The following NDUFAF1 variants were observed in gnomAD, a reference collection of about 807,000 sequenced individuals.
The protein encoded by NDUFAF1 is complex I intermediate-associated protein 30, mitochondrial.
Under a neutral mutation model 28.7 loss-of-function variants are expected in NDUFAF1, and 18 were observed. The observed-to-expected ratio is 0.63, with a 90% CI of 0.43 to 0.93. The LOEUF (loss-of-function observed/expected upper bound fraction) is 0.93, where lower values mean the gene tolerates loss of function less well. Among genes scored for constraint, NDUFAF1 ranks in the 40% least tolerant of loss-of-function variants. The pLI is 0.00. For synonymous variants in NDUFAF1, 113 were observed against 139.7 expected, an observed-to-expected ratio of 0.81 and a Z score of 1.35; for missense variants, 404 against 398.3, an observed-to-expected ratio of 1.01 and a Z score of -0.12.
intron 2 of NDUFAF1, among the ~76,000 whole-genome samples, chr15:41,395,309 A>C (rs1429293288): frequency 1.3e-5 from 2 of 152,108 alleles, no homozygotes; most frequent in African/African-American, 4.8e-5. Flanking sequence ...ATGAATGGAA[A>C]TGAATGTATT....
chr15:41,387,976 G>T (rs757890732), intron 4 of NDUFAF1, among the ~76,000 whole-genome samples: 2 of 152,104 alleles, frequency 1.3e-5, no homozygotes, highest in African/African-American at 4.8e-5. Flanking sequence ...CAAGTGTGGT[G>T]GCAGGCACCT....
chr15:41,394,838 A>G lies in NDUFAF1; in HGVS notation c.759+21T>C, dbSNP rs752953126. The G allele has an allele frequency of 3.1e-6, 5 of 1,613,302 alleles. No homozygotes were observed. In the Admixed American group the frequency reaches 8.3e-5, roughly 27 times the overall value. ...CAGCCAAGACCTCATTTTTATAAAC[A>G]ATGAAGATTTATGCTGTTACCTTGA... is the stretch of plus-strand genomic sequence containing the variant. On this transcript the variant is annotated intron_variant, in intron 3 of 4. Coordinates refer to ENST00000260361, the MANE Select transcript of NDUFAF1 (RefSeq NM_016013.4).
rs1264170827 is a variant in NDUFAF1, at chr15:41,396,587, T to G, written c.473A>C (p.Asn158Thr). 1 of 1,614,060 alleles carries G rather than the reference T, an allele frequency of 6.2e-7. No individual in the cohort carries two copies. The highest frequency in any genetic ancestry group is 8.5e-7 in the Non-Finnish European group (1 of 1,180,012). ...AGTTCCATATAGCAGTGCACTTTGG[T>G]TATTCTTGCCCATTTTCAAAAACAC... ...SEVFLKMGKN[N>T]QSALLYGTLS... is the part of the protein sequence containing the mutation. Residue 158 changes from asparagine (N) to threonine (T), a missense_variant, in exon 2 of 5, where the codon AAC (asparagine) becomes ACC (threonine). By Grantham distance (65) the Asn-to-Thr change is moderately conservative (BLOSUM62 0). Transcript: ENST00000260361.
intron 1 of NDUFAF1, among the ~76,000 whole-genome samples, chr15:41,401,887 A>G (rs1178265515): frequency 6.6e-6 from 1 of 152,178 alleles, no homozygotes; most frequent in East Asian, 1.9e-4. Flanking sequence ...CACTTAAATG[A>G]TTTTACCTCT....
chr15:41,402,037 C>T, intron 1 of NDUFAF1, 107 bp downstream of exon 1: 4 of 239,064 alleles, frequency 1.7e-5, no homozygotes, highest in Non-Finnish European at 1.8e-5. Flanking sequence ...AACAGAAAAT[C>T]TAAACTATTA....
chr15:41,396,263 T>C (rs1313643588), intron 2 of NDUFAF1, among the ~76,000 whole-genome samples: 1 of 151,982 alleles, frequency 6.6e-6, no homozygotes, highest in African/African-American at 2.4e-5. Flanking sequence ...CCCAAAGCAA[T>C]GCGCAGAAAC....
At chr15:41,396,427 A>G (rs1331240214) in intron 2 of NDUFAF1, 60 bp downstream of exon 2, 1 of 1,503,028 alleles carries the variant, frequency 6.7e-7, no homozygotes, top group East Asian at 2.3e-5. Context: ...TCTATAGTTT[A>G]TGCTACAATG....
intron 2 of NDUFAF1, 82 bp downstream of exon 2, chr15:41,396,405 C>G: frequency 7.2e-7 from 1 of 1,393,374 alleles, no homozygotes; most frequent in South Asian, 1.2e-5. Flanking sequence ...TTTACAGAAA[C>G]AAAAGCTATC....
chr15:41,401,714 C>T (rs1212449759), intron 1 of NDUFAF1, among the ~76,000 whole-genome samples: 1 of 152,156 alleles, frequency 6.6e-6, no homozygotes, highest in Non-Finnish European at 1.5e-5. Context: ...GCGTGAGCCA[C>T]CGCGCCCAGC....
At chr15:41,399,855 CAAAAAAAAAA>C (rs35139337) in intron 1 of NDUFAF1, among the ~76,000 whole-genome samples, 7 of 42,038 alleles carry the variant, frequency 1.7e-4, no homozygotes, top group Admixed American at 1.4e-3. Flanking sequence ...GACTCCTTCT[CAAAAAAAAAA>C]AAAAAAAAAA....
intron 1 of NDUFAF1, among the ~76,000 whole-genome samples, chr15:41,399,815 C>G (rs2050437729): frequency 7.1e-6 from 1 of 141,254 alleles, no homozygotes; most frequent in Non-Finnish European, 1.5e-5. Context: ...GAGATCCCGC[C>G]ACTGCACTCC....
chr15:41,400,902 G>C (rs1419526630), intron 1 of NDUFAF1, among the ~76,000 whole-genome samples: 15 of 151,210 alleles, frequency 9.9e-5, no homozygotes. Context: ...CAAATCCTAT[G>C]AAACAAGTCA....
chr15:41,397,231 G>T (rs2050402279), intron 1 of NDUFAF1, 91 bp from the exon 2 acceptor site: 2 of 614,792 alleles, frequency 3.3e-6, no homozygotes, highest in Non-Finnish European at 5.7e-6. Flanking sequence ...TTTGAAGTTT[G>T]TTAACTTATT....
chr15:41,388,345 G>A (rs1196617412), intron 4 of NDUFAF1, 103 bp downstream of exon 4: 3 of 959,780 alleles, frequency 3.1e-6, no homozygotes, highest in African/African-American at 3.2e-5. Flanking sequence ...GCCCTGAGAA[G>A]AAATATTCAT....
intron 3 of NDUFAF1, chr15:41,394,348 A>G (rs1207678095): frequency 7.8e-7 from 1 of 1,288,706 alleles, no homozygotes; most frequent in African/African-American, 1.5e-5. Context: ...CACCAACTTT[A>G]GCAGAGTTGC....
rs1277725612 is a variant in NDUFAF1 at position 41,387,406 on chromosome 15, T to C, written c.*38A>G. The C allele has an allele frequency of 1.9e-6, 3 of 1,584,032 alleles. No individual in the cohort carries two copies. Among genetic ancestry groups the C allele is most frequent in the African/African-American group, 1.3e-5 (1 of 74,468 alleles). ...TTGTCTATATCATTGTAGATGCTAG[T>C]ACCCTTAGATTAGTAAAACAAAACT... On this transcript the variant is annotated 3_prime_UTR_variant, in exon 5 of 5. Coordinates refer to ENST00000260361, the MANE Select transcript of NDUFAF1 (RefSeq NM_016013.4).
intron 3 of NDUFAF1, 29 bp downstream of exon 3, chr15:41,394,830 T>C (rs975063166): frequency 2.3e-5 from 37 of 1,612,798 alleles, no homozygotes; most frequent in African/African-American, 2.1e-4. Context: ...GACCTCATTT[T>C]TATAAACAAT....
intron 4 of NDUFAF1, 131 bp downstream of exon 4, chr15:41,388,317 C>A: frequency 2.8e-6 from 2 of 724,130 alleles, no homozygotes; most frequent in Non-Finnish European, 4.8e-6. Flanking sequence ...CAGCCTCTGG[C>A]TGGGTATAAG....
At chr15:41,395,625 C>T (rs1386246974) in intron 2 of NDUFAF1, among the ~76,000 whole-genome samples, 3 of 151,068 alleles carry the variant, frequency 2.0e-5, no homozygotes, top group African/African-American at 7.3e-5. Context: ...CCACCTTGGC[C>T]ACCCAAAGTG....
Sources: allele counts gnomAD v4.1 joint callset (sites outside exome capture counted in the v4.1 genomes callset), GRCh38; gene constraint gnomAD v4.1.1; transcripts MANE v1.5; gene names NCBI Gene and HGNC (gene_info 2026-07-23, HGNC 2026-07-21).